The following CD96 variants were observed in gnomAD, a reference collection of about 807,000 sequenced individuals.
The protein encoded by CD96 is CD96 molecule, also known as T-cell surface protein tactile.
A neutral mutation model predicts 71.3 loss-of-function variants in CD96; 70 were observed. The observed-to-expected ratio is 0.98, with a 90% CI of 0.81 to 1.20. CD96 has a LOEUF of 1.20. Among genes scored for constraint, CD96 ranks in the 50% most tolerant of loss-of-function variants. CD96 has a pLI of 0.00. For synonymous variants in CD96, 248 were observed against 233.0 expected, an observed-to-expected ratio of 1.06 and a Z score of -0.59; for missense variants, 742 against 677.5, an observed-to-expected ratio of 1.10 and a Z score of -1.06.
intron 2 of CD96, among the ~76,000 whole-genome samples, chr3:111,553,829 G>T (rs984041018): frequency 2.0e-5 from 3 of 151,644 alleles, no homozygotes; most frequent in Admixed American, 1.3e-4. Flanking sequence ...AATTCATTAC[G>T]GTTATTATCC....
rs763806168 is a variant in CD96, at chr3:111,600,731, T to C, written c.904T>C (p.Tyr302His). Reference protein sequence around the residue: ...SFLHDEKEGIYITNEERKGKD... With the variant: ...SFLHDEKEGIHITNEERKGKD... ...TGTTCGTATCTGTCTGGCAGGAATA[T>C]ATATTACTAATGAAGAGAGAAAAGG... Residue 302 changes from tyrosine (Y) to histidine (H), a missense_variant, in exon 7 of 14, where the codon TAT becomes CAT. Physicochemically the swap from Tyr to His is moderately conservative, Grantham distance 83 (BLOSUM62 2). Transcript: ENST00000352690. The C allele has an allele frequency of 6.2e-7, 1 of 1,608,332 alleles. No homozygotes were observed. The highest frequency in any genetic ancestry group is 8.5e-7 in the Non-Finnish European group (1 of 1,174,778).
intron 14 of CD96, among the ~76,000 whole-genome samples, chr3:111,663,696 T>G (rs1339668585): frequency 6.7e-6 from 1 of 149,638 alleles, no homozygotes; most frequent in Non-Finnish European, 1.5e-5. Flanking sequence ...TGGCCATTAT[T>G]AAAAAGTCAA....
chr3:111,618,433 A>G (rs1480107885), intron 8 of CD96, among the ~76,000 whole-genome samples: 1 of 152,192 alleles, frequency 6.6e-6, no homozygotes, highest in East Asian at 1.9e-4. Context: ...AAAAAACAAC[A>G]ATGAAGCTAC....
chr3:111,590,941 G>A (rs558006224), intron 5 of CD96, among the ~76,000 whole-genome samples: 3 of 152,118 alleles, frequency 2.0e-5, no homozygotes, highest in African/African-American at 2.4e-5. Flanking sequence ...CATATCACTC[G>A]CTACCTTTGT....
At chr3:111,609,875 G>C (rs1406020839) in intron 8 of CD96, among the ~76,000 whole-genome samples, 1 of 152,154 alleles carries the variant, frequency 6.6e-6, no homozygotes, top group Admixed American at 6.5e-5. Flanking sequence ...AGGACCTTTG[G>C]CAGTGCCTGG....
At chr3:111,617,859 C>CCTTCAG (rs1938322466) in intron 8 of CD96, among the ~76,000 whole-genome samples, 1 of 152,242 alleles carries the variant, frequency 6.6e-6, no homozygotes, top group South Asian at 2.1e-4. Flanking sequence ...GAGCTGTGGC[C>CCTTCAG]CTTCAGGGAG....
chr3:111,626,896 C>T (rs185795461), intron 10 of CD96, among the ~76,000 whole-genome samples: 29 of 152,076 alleles, frequency 1.9e-4, no homozygotes, highest in Admixed American at 7.2e-4. Context: ...ATGCCTTAGA[C>T]GTAATATGTG....
intron 3 of CD96, among the ~76,000 whole-genome samples, chr3:111,575,971 C>T (rs986006939): frequency 5.3e-5 from 8 of 152,114 alleles, no homozygotes; most frequent in Non-Finnish European, 1.0e-4. Context: ...AATGAATCTC[C>T]ATAATTCCTC....
chr3:111,653,083 T>C (rs1940145115), downstream of CD96, among the ~76,000 whole-genome samples: 1 of 152,184 alleles, frequency 6.6e-6, no homozygotes, highest in African/African-American at 2.4e-5. Flanking sequence ...ATGATTTGTT[T>C]TGCAATGGAA....
At chr3:111,616,737 C>T (rs1402342685) in intron 8 of CD96, among the ~76,000 whole-genome samples, 2 of 152,096 alleles carry the variant, frequency 1.3e-5, no homozygotes, top group Non-Finnish European at 2.9e-5. Context: ...GTGGGGATGC[C>T]AGCTGTAGTG....
At chr3:111,638,901 CA>C (rs145386331) in intron 12 of CD96, among the ~76,000 whole-genome samples, 3,886 of 152,118 alleles carry the variant, frequency 0.026, 164 homozygotes, top group African/African-American at 0.086. Context: ...AGAGATGGGT[CA>C]AAAATGGAGT....
intron 1 of CD96, 23 bp downstream of exon 1, chr3:111,542,332 C>G (rs1325940199): frequency 6.3e-7 from 1 of 1,597,834 alleles, no homozygotes; most frequent in African/African-American, 1.3e-5. Context: ...GTTGTCCCTT[C>G]TTGTCGGATG....
chr3:111,620,498 A>G (rs1330555513), intron 8 of CD96, among the ~76,000 whole-genome samples: 2 of 152,214 alleles, frequency 1.3e-5, no homozygotes, highest in Non-Finnish European at 2.9e-5. Context: ...TAGTTCTCTA[A>G]AAGACTTTAA....
intron 8 of CD96, among the ~76,000 whole-genome samples, chr3:111,615,483 T>C (rs1454773918): frequency 6.6e-6 from 1 of 152,194 alleles, no homozygotes; most frequent in Admixed American, 6.5e-5. Flanking sequence ...GTCAACATGT[T>C]GTATTCTATT....
chr3:111,657,548 G>A (rs954227541), intron 14 of CD96, among the ~76,000 whole-genome samples: 9 of 151,794 alleles, frequency 5.9e-5, no homozygotes, highest in African/African-American at 1.5e-4. Flanking sequence ...AATCTGGAAG[G>A]CTTGGTAGTA....
intron 5 of CD96, among the ~76,000 whole-genome samples, chr3:111,586,181 G>A (rs571737497): frequency 5.2e-4 from 79 of 152,156 alleles, no homozygotes; most frequent in East Asian, 4.2e-3. Context: ...TATTATCTGT[G>A]TTAATCAACT....
At chr3:111,619,768 G>A (rs1938430399) in intron 8 of CD96, among the ~76,000 whole-genome samples, 1 of 152,238 alleles carries the variant, frequency 6.6e-6, no homozygotes, top group Non-Finnish European at 1.5e-5. Context: ...TCAAGAGACA[G>A]TCAGACATGT....
At chr3:111,562,111 C>T (rs1200527987) in intron 2 of CD96, among the ~76,000 whole-genome samples, 4 of 152,218 alleles carry the variant, frequency 2.6e-5, no homozygotes, top group South Asian at 2.1e-4. Flanking sequence ...CACTGTCTGG[C>T]GCTCCCTAGT....
intron 14 of CD96, among the ~76,000 whole-genome samples, chr3:111,661,837 G>T (rs1279110966): frequency 6.6e-6 from 1 of 152,182 alleles, no homozygotes; most frequent in Admixed American, 6.5e-5. Flanking sequence ...GTTGTCAGTG[G>T]ATCTACCATT....
Sources: gnomAD v4.1 joint callset for allele counts (sites outside exome capture counted in the v4.1 genomes callset) on GRCh38, gnomAD v4.1.1 for gene constraint, MANE v1.5 for transcripts, NCBI Gene and HGNC (gene_info 2026-07-23, HGNC 2026-07-21) for gene names.